The following DGKB variants were observed in gnomAD, a reference collection of about 807,000 sequenced individuals.
DGKB encodes 90 kDa diacylglycerol kinase.
Under a neutral mutation model 114.3 loss-of-function variants are expected in DGKB, and 67 were observed. That is an observed-to-expected ratio of 0.59 (90% CI 0.48 to 0.72). The LOEUF is 0.72. Among genes scored for constraint, DGKB ranks in the 30% least tolerant of loss-of-function variants. The probability of loss-of-function intolerance (pLI) is 0.00; values close to 1 mark genes in which losing one functional copy is unlikely to be tolerated. For synonymous variants in DGKB, 398 were observed against 323.1 expected (o/e 1.23, Z -2.49); for missense variants, 907 against 975.2 (o/e 0.93, Z 0.93).
At chr7:14,357,436 T>G (rs1471043952) in intron 21 of DGKB, among the ~76,000 whole-genome samples, 1 of 152,216 alleles carries the variant, frequency 6.6e-6, no homozygotes, top group Non-Finnish European at 1.5e-5. Flanking sequence ...TTACTTTGCT[T>G]TCCATTTGCT....
intron 13 of DGKB, among the ~76,000 whole-genome samples, chr7:14,668,831 G>A (rs1395756620): frequency 6.6e-6 from 1 of 151,932 alleles, no homozygotes; most frequent in Non-Finnish European, 1.5e-5. Context: ...TCAACTCTCT[G>A]GCTGCCCTCT....
intron 19 of DGKB, among the ~76,000 whole-genome samples, chr7:14,578,855 G>C (rs959178416): frequency 6.6e-6 from 1 of 152,156 alleles, no homozygotes; most frequent in Non-Finnish European, 1.5e-5. Flanking sequence ...ATTCAATCAA[G>C]TAAAACTCTC....
intron 23 of DGKB, among the ~76,000 whole-genome samples, chr7:14,183,082 T>C (rs1782874636): frequency 6.6e-6 from 1 of 152,186 alleles, no homozygotes; most frequent in Non-Finnish European, 1.5e-5. Flanking sequence ...TATTTGGCCA[T>C]AGTAAGACCA....
intron 2 of DGKB, among the ~76,000 whole-genome samples, chr7:14,825,758 G>C (rs772941197): frequency 1.3e-5 from 2 of 152,036 alleles, no homozygotes; most frequent in Non-Finnish European, 2.9e-5. Flanking sequence ...CCATAAATAC[G>C]TTAGAAAAAG....
At chr7:14,303,871 A>G (rs2128492379) in intron 23 of DGKB, among the ~76,000 whole-genome samples, 1 of 152,252 alleles carries the variant, frequency 6.6e-6, no homozygotes, top group East Asian at 1.9e-4. Context: ...CGCCACCATG[A>G]AAATTACCCA....
chr7:14,352,649 A>C (rs972362346), intron 21 of DGKB, among the ~76,000 whole-genome samples: 2 of 152,104 alleles, frequency 1.3e-5, no homozygotes, highest in African/African-American at 4.8e-5. Flanking sequence ...AATCTTTACT[A>C]TTATTGGCTC....
chr7:14,402,994 C>T (rs1455431936), intron 21 of DGKB, among the ~76,000 whole-genome samples: 1 of 151,880 alleles, frequency 6.6e-6, no homozygotes, highest in Non-Finnish European at 1.5e-5. Context: ...TTCAGCTCCA[C>T]AATAGCATGA....
chr7:14,664,180 G>A (rs1038966890), intron 13 of DGKB, among the ~76,000 whole-genome samples: 1 of 151,922 alleles, frequency 6.6e-6, no homozygotes. Flanking sequence ...CACATCAGTT[G>A]AGCCACCCAG....
chr7:14,530,140 A>AT (rs1791324539), intron 20 of DGKB, among the ~76,000 whole-genome samples: 1 of 151,684 alleles, frequency 6.6e-6, no homozygotes, highest in Non-Finnish European at 1.5e-5. Flanking sequence ...TGGAAATGCC[A>AT]TTTTATTAAG....
intron 21 of DGKB, among the ~76,000 whole-genome samples, chr7:14,392,155 T>C (rs1196250099): frequency 3.3e-5 from 5 of 152,168 alleles, no homozygotes. Context: ...ACCAACTGAC[T>C]TGGAGGTATG....
At chr7:14,839,796 A>T (rs138314858) in intron 2 of DGKB, among the ~76,000 whole-genome samples, 1 of 151,098 alleles carries the variant, frequency 6.6e-6, no homozygotes, top group Non-Finnish European at 1.5e-5. Flanking sequence ...TCATATTTTT[A>T]TTATTATTGA....
At chr7:14,660,740 C>G (rs1164781128) in intron 13 of DGKB, among the ~76,000 whole-genome samples, 2 of 151,904 alleles carry the variant, frequency 1.3e-5, no homozygotes, top group African/African-American at 4.8e-5. Flanking sequence ...GAGCCCGCAT[C>G]GCCAAGTCAA....
chr7:14,497,150 A>C (rs1194070823), intron 20 of DGKB, among the ~76,000 whole-genome samples: 1 of 151,772 alleles, frequency 6.6e-6, no homozygotes, highest in African/African-American at 2.4e-5. Flanking sequence ...ACACAAAGGC[A>C]TACAGAGTAG....
chr7:14,213,463 C>A (rs149229616), intron 23 of DGKB, among the ~76,000 whole-genome samples: 156 of 152,254 alleles, frequency 1.0e-3, no homozygotes, highest in African/African-American at 3.5e-3. Flanking sequence ...CATCGTCTGT[C>A]ATTTATTCCA....
intron 1 of DGKB, among the ~76,000 whole-genome samples, chr7:14,878,503 T>C (rs1853658438): frequency 1.3e-5 from 2 of 152,128 alleles, no homozygotes; most frequent in African/African-American, 4.8e-5. Flanking sequence ...CCCAGCATTT[T>C]GGGAGGCTGA....
intron 2 of DGKB, among the ~76,000 whole-genome samples, chr7:14,789,775 T>A (rs368693977): frequency 1.3e-5 from 2 of 152,126 alleles, no homozygotes; most frequent in African/African-American, 4.8e-5. Flanking sequence ...TATATGAACA[T>A]ATTTTCATTC....
At chr7:14,292,030 T>C (rs189722745) in intron 23 of DGKB, among the ~76,000 whole-genome samples, 1 of 152,292 alleles carries the variant, frequency 6.6e-6, no homozygotes, top group African/African-American at 2.4e-5. Context: ...GACACATGCT[T>C]CCTTTTAAAG....
At chr7:14,428,995 A>C (rs1212548293) in intron 21 of DGKB, among the ~76,000 whole-genome samples, 4 of 152,108 alleles carry the variant, frequency 2.6e-5, no homozygotes, top group Admixed American at 6.6e-5. Context: ...ATAATACAGG[A>C]CTAGAATAAT....
intron 20 of DGKB, among the ~76,000 whole-genome samples, chr7:14,548,790 C>T (rs981379030): frequency 1.3e-5 from 2 of 151,926 alleles, no homozygotes; most frequent in African/African-American, 4.8e-5. Context: ...GTGATTGCAA[C>T]AGTAAGAGGT....
Sources: allele counts gnomAD v4.1 joint callset (sites outside exome capture counted in the v4.1 genomes callset), GRCh38; gene constraint gnomAD v4.1.1; transcripts MANE v1.5; gene names NCBI Gene and HGNC (gene_info 2026-07-23, HGNC 2026-07-21).